The following ATXN1 variants were observed in gnomAD, a reference collection of about 807,000 sequenced individuals.
ATXN1 encodes ataxin-1.
A neutral mutation model predicts 56.4 loss-of-function variants in ATXN1; 8 were observed. The ratio of observed to expected loss-of-function variants is 0.14; its 90% CI spans 0.08 to 0.26. ATXN1 has a LOEUF of 0.26. Among genes scored for constraint, ATXN1 ranks in the 10% least tolerant of loss-of-function variants. ATXN1 has a pLI of 1.00. For missense variants in ATXN1, 987 were observed against 1,106.5 expected, an observed-to-expected ratio of 0.89 and a Z score of 1.53; for synonymous variants, 514 against 494.6, an observed-to-expected ratio of 1.04 and a Z score of -0.52.
chr6:16,597,467 C>A (rs1762836402), intron 3 of ATXN1, among the ~76,000 whole-genome samples: 1 of 144,924 alleles, frequency 6.9e-6, no homozygotes, highest in Admixed American at 7.1e-5. Flanking sequence ...GAGACAGAGT[C>A]TTGCTCTGTC....
Position 16,299,423 on chromosome 6 carries a change from TACAG to T in ATXN1, c.*6902_*6905del, listed in dbSNP as rs1581673048. On this transcript the variant is annotated 3_prime_UTR_variant, in exon 8 of 8. Coordinates refer to ENST00000436367, the MANE Select transcript of ATXN1 (RefSeq NM_001128164.2). ...CAAGTACAATATTTTACACTGGAAT[TACAG>T]AGAGTATGCACGCATATGGAAAAAA... 6.5e-6 allele frequency: 1 copy of T among 152,776 alleles called. No homozygotes were observed. Among genetic ancestry groups the T allele is most frequent in the African/African-American group, 2.4e-5 (1 of 41,584 alleles). 9.5% of individuals were successfully genotyped at this position (152,776 alleles called of 1,614,324 possible).
chr6:16,299,367 A>AT lies in ATXN1; in HGVS notation c.*6961dup, dbSNP rs1474289676. The AT allele has an allele frequency of 2.6e-5, 4 of 152,634 alleles. No homozygotes were observed. The highest frequency in any genetic ancestry group is 4.1e-4 in the South Asian group (2 of 4,826). The allele number at this position is 152,634 out of a possible 1,614,324, so 9.5% of individuals were successfully genotyped here. A position where few individuals can be genotyped will look rare whatever the true frequency, so the allele number is the denominator to read the frequency against. On this transcript the variant is annotated 3_prime_UTR_variant, in exon 8 of 8. Transcript: ENST00000436367. The stretch of plus-strand genomic sequence containing the variant: ...TAGAAAATAGAATATGAATTCTTCC[A>AT]TTTTTTAATATTTGTTTAAAAAAGC...
At chr6:16,698,284 A>T (rs993348447) in intron 2 of ATXN1, among the ~76,000 whole-genome samples, 3 of 152,230 alleles carry the variant, frequency 2.0e-5, no homozygotes, top group African/African-American at 7.2e-5. Flanking sequence ...TTGTATTAAC[A>T]TGTGAGGAAG....
chr6:16,590,929 G>T (rs1247427743), intron 3 of ATXN1, among the ~76,000 whole-genome samples: 1 of 151,194 alleles, frequency 6.6e-6, no homozygotes, highest in South Asian at 2.1e-4. Flanking sequence ...CATAACCTCC[G>T]CCTTCCAGGT....
intron 4 of ATXN1, among the ~76,000 whole-genome samples, chr6:16,572,259 C>T (rs1318782747): frequency 6.6e-6 from 1 of 152,128 alleles, no homozygotes; most frequent in East Asian, 1.9e-4. Context: ...AAAATGTTTA[C>T]TTGGCCTAAT....
chr6:16,427,369 C>T (rs1470060308), intron 6 of ATXN1, among the ~76,000 whole-genome samples: 1 of 152,152 alleles, frequency 6.6e-6, no homozygotes, highest in African/African-American at 2.4e-5. Flanking sequence ...CAGACATTGC[C>T]AACTTGCCCA....
Position 16,329,219 on chromosome 6 carries a change from G to A in ATXN1, c.-160-749C>T, listed in dbSNP as rs540934015. Among the ~76,000 whole-genome samples the A allele has an allele frequency of 3.3e-5, 5 of 152,182 alleles. No individual in the cohort carries two copies. In the South Asian group the frequency reaches 1.0e-3, roughly 32 times the overall value. The stretch of plus-strand genomic sequence containing the variant: ...GAACATAAAATGAAGCCCTTGGAGA[G>A]CATGACACCAGCTGGACCCTGCCCT... On this transcript the variant is annotated intron_variant, in intron 6 of 7. Transcript: ENST00000436367.
intron 4 of ATXN1, among the ~76,000 whole-genome samples, chr6:16,554,968 C>T (rs1406279427): frequency 1.3e-5 from 2 of 152,286 alleles, no homozygotes; most frequent in Non-Finnish European, 2.9e-5. Flanking sequence ...CTCAATCCCA[C>T]GCTGGCTCAT....
intron 6 of ATXN1, among the ~76,000 whole-genome samples, chr6:16,453,380 G>C (rs1445315139): frequency 3.3e-5 from 5 of 152,148 alleles, no homozygotes; most frequent in Non-Finnish European, 5.9e-5. Flanking sequence ...AGAATCGCTT[G>C]AACCCGGGAG....
At chr6:16,695,062 C>T (rs1482690010) in intron 2 of ATXN1, among the ~76,000 whole-genome samples, 1 of 152,188 alleles carries the variant, frequency 6.6e-6, no homozygotes, top group East Asian at 1.9e-4. Flanking sequence ...TCACAACCAC[C>T]TACCACCCAC....
chr6:16,535,114 G>C (rs1051158684), intron 4 of ATXN1, among the ~76,000 whole-genome samples: 2 of 152,230 alleles, frequency 1.3e-5, no homozygotes, highest in Admixed American at 6.5e-5. Flanking sequence ...ACTAGGATCA[G>C]TGAGGGACTA....
At chr6:16,712,169 C>A (rs4716091) in intron 2 of ATXN1, among the ~76,000 whole-genome samples, 1 of 151,978 alleles carries the variant, frequency 6.6e-6, no homozygotes, top group Non-Finnish European at 1.5e-5. Flanking sequence ...AAACTCATTG[C>A]GCTGTACGCT....
At chr6:16,631,914 AT>A in intron 3 of ATXN1, among the ~76,000 whole-genome samples, 1 of 152,306 alleles carries the variant, frequency 6.6e-6, no homozygotes, top group Middle Eastern at 3.4e-3. Context: ...AAAATAGGGC[AT>A]GTGATGTTAG....
intron 6 of ATXN1, among the ~76,000 whole-genome samples, chr6:16,463,615 G>C (rs1760043007): frequency 6.6e-6 from 1 of 152,194 alleles, no homozygotes; most frequent in Non-Finnish European, 1.5e-5. Context: ...TCACTGCTGA[G>C]AAAGGAAGAC....
intron 6 of ATXN1, among the ~76,000 whole-genome samples, chr6:16,384,851 T>C (rs1187281490): frequency 1.3e-5 from 2 of 152,250 alleles, no homozygotes; most frequent in Non-Finnish European, 1.5e-5. Flanking sequence ...TAAACCTCTT[T>C]TCTTTACACA....
intron 3 of ATXN1, among the ~76,000 whole-genome samples, chr6:16,627,494 C>T (rs1185860117): frequency 1.3e-5 from 2 of 152,076 alleles, no homozygotes; most frequent in African/African-American, 2.4e-5. Flanking sequence ...TTTGGGAGGC[C>T]GAGGTGGGCG....
intron 7 of ATXN1, among the ~76,000 whole-genome samples, chr6:16,307,685 A>T (rs1034543952): frequency 1.3e-5 from 2 of 151,904 alleles, no homozygotes; most frequent in Non-Finnish European, 2.9e-5. Flanking sequence ...CAAAAAAAAA[A>T]AAAAAAAGTC....
intron 4 of ATXN1, among the ~76,000 whole-genome samples, chr6:16,528,949 G>C (rs747268674): frequency 7.2e-5 from 11 of 152,088 alleles, no homozygotes; most frequent in Non-Finnish European, 1.0e-4. Flanking sequence ...GAAGCCGAGG[G>C]AGGTGGATCA....
At chr6:16,611,947 C>T (rs1346457047) in intron 3 of ATXN1, among the ~76,000 whole-genome samples, 1 of 148,396 alleles carries the variant, frequency 6.7e-6, no homozygotes, top group Non-Finnish European at 1.5e-5. Flanking sequence ...GCAAGCTCCG[C>T]CTCCTGGGTT....
Sources: gnomAD v4.1 joint callset for allele counts (sites outside exome capture counted in the v4.1 genomes callset) on GRCh38, gnomAD v4.1.1 for gene constraint, MANE v1.5 for transcripts, NCBI Gene and HGNC (gene_info 2026-07-23, HGNC 2026-07-21) for gene names.